The following ACTR10 variants were observed in gnomAD, a reference collection of about 807,000 sequenced individuals.
ACTR10 encodes the protein actin related protein 10.
ACTR10 carries 43 observed loss-of-function variants against 56.2 expected under a neutral mutation model. That is an observed-to-expected ratio of 0.77 (90% CI 0.60 to 0.99). The LOEUF (loss-of-function observed/expected upper bound fraction) is 0.99, where lower values mean the gene tolerates loss of function less well. Among genes scored for constraint, ACTR10 ranks in the 50% least tolerant of loss-of-function variants. The probability of loss-of-function intolerance (pLI) is 0.00; values close to 1 mark genes in which losing one functional copy is unlikely to be tolerated. For missense variants in ACTR10, 466 were observed against 507.8 expected (o/e 0.92, Z 0.79); for synonymous variants, 170 against 176.3 (o/e 0.96, Z 0.28).
intron 6 of ACTR10, among the ~76,000 whole-genome samples, chr14:58,214,603 A>G (rs61975946): frequency 0.75 from 113,155 of 150,666 alleles, 43,331 homozygotes; most frequent in Middle Eastern, 0.89. Flanking sequence ...CGATTCTCCT[A>G]CCTCAGCCTC....
chr14:58,205,259 T>C (rs1033941668), intron 2 of ACTR10, among the ~76,000 whole-genome samples: 3 of 150,338 alleles, frequency 2.0e-5, no homozygotes, highest in African/African-American at 7.3e-5. Flanking sequence ...AAACATGTTA[T>C]AGCAGAATAG....
intron 8 of ACTR10, among the ~76,000 whole-genome samples, chr14:58,223,032 A>G (rs1889314003): frequency 6.6e-6 from 1 of 152,236 alleles, no homozygotes; most frequent in East Asian, 1.9e-4. Context: ...AGTTTCCTCA[A>G]AGGTGATTTT....
intron 7 of ACTR10, among the ~76,000 whole-genome samples, chr14:58,216,076 C>A (rs1889127235): frequency 6.6e-6 from 1 of 150,850 alleles, no homozygotes; most frequent in Non-Finnish European, 1.5e-5. Context: ...GAAGTCTACT[C>A]TGGATGGATT....
chr14:58,221,714 G>T (rs553491021), intron 8 of ACTR10, among the ~76,000 whole-genome samples: 1 of 152,104 alleles, frequency 6.6e-6, no homozygotes, highest in African/African-American at 2.4e-5. Flanking sequence ...GGACTCCAGC[G>T]TGGATGACAG....
chr14:58,210,679 CTTTTTTTTT>C (rs200887449), intron 4 of ACTR10, among the ~76,000 whole-genome samples: 4 of 139,940 alleles, frequency 2.9e-5, no homozygotes, highest in Non-Finnish European at 6.1e-5. Flanking sequence ...TTCTTTTTTT[CTTTTTTTTT>C]TTTTGAGACA....
chr14:58,217,203 A>C (rs1337136422), intron 7 of ACTR10, among the ~76,000 whole-genome samples: 2 of 152,234 alleles, frequency 1.3e-5, no homozygotes, highest in Non-Finnish European at 2.9e-5. Context: ...ATATTTCCAT[A>C]AAATTATAAA....
rs745808652 is a variant in ACTR10, at chr14:58,208,034, T to C, written c.233+16T>C. ...TATATTTCAGGTAAGATACATTTTGTTTTCTAGCTTTTATGATTAGATAGA... is the reference window on the plus strand; with the variant it reads ...TATATTTCAGGTAAGATACATTTTGCTTTCTAGCTTTTATGATTAGATAGA... On this transcript the variant is annotated intron_variant, in intron 3 of 12. Coordinates refer to ENST00000254286, the MANE Select transcript of ACTR10 (RefSeq NM_018477.3). The C allele has an allele frequency of 1.3e-6, 2 of 1,499,386 alleles. No homozygotes were observed. Among genetic ancestry groups the C allele is most frequent in the South Asian group, 2.7e-5 (2 of 74,698 alleles). The allele number at this position is 1,499,386 out of a possible 1,614,324, so 92.9% of individuals were successfully genotyped here.
At chr14:58,204,217 TAAA>T (rs35924178) in intron 2 of ACTR10, among the ~76,000 whole-genome samples, 1 of 132,268 alleles carries the variant, frequency 7.6e-6, no homozygotes, top group Non-Finnish European at 1.6e-5. Context: ...CCATCTCTAC[TAAA>T]AAAAAAAAAA....
chr14:58,220,959 T>TA (rs1222423812), intron 8 of ACTR10, among the ~76,000 whole-genome samples: 5 of 152,236 alleles, frequency 3.3e-5, no homozygotes, highest in African/African-American at 1.2e-4. Flanking sequence ...TTGTTGAAGG[T>TA]ATGTTCAGTA....
chr14:58,212,401 A>C (rs1566624803), intron 5 of ACTR10, among the ~76,000 whole-genome samples: 1 of 152,214 alleles, frequency 6.6e-6, no homozygotes, highest in African/African-American at 2.4e-5. Flanking sequence ...ATCTCTTAGA[A>C]TTGTCCTAGT....
At chr14:58,232,398 CTTTTTCTTTTT>C in intron 12 of ACTR10, 131 bp downstream of exon 12, 1 of 204,740 alleles carries the variant, frequency 4.9e-6, no homozygotes, top group Non-Finnish European at 8.5e-6. Flanking sequence ...CTAACACTGA[CTTTTTCTTTTT>C]TTTTTTTTTT....
At position 58,234,340 on chromosome 14, in the gene ACTR10, T is replaced by C. The variant is rs370396226; in HGVS notation, c.1073-30T>C. On this transcript the variant is annotated intron_variant, in intron 12 of 12. Transcript: ENST00000254286. ...AAGTTTTCTGGTAAAAGTTTTCATCTTAGCTATAAAAAATATTTTTGTCAC... is the reference window on the plus strand; with the variant it reads ...AAGTTTTCTGGTAAAAGTTTTCATCCTAGCTATAAAAAATATTTTTGTCAC... 17 of 1,519,396 alleles carry C rather than the reference T, an allele frequency of 1.1e-5. No individual in the cohort carries two copies. The African/African-American group carries it at 2.4e-4, about 21-fold the overall frequency. The allele number at this position is 1,519,396 out of a possible 1,614,324, so 94.1% of individuals were successfully genotyped here. A position where few individuals can be genotyped will look rare whatever the true frequency, so the allele number is the denominator to read the frequency against.
At chr14:58,201,167 T>G (rs967950048) in intron 1 of ACTR10, among the ~76,000 whole-genome samples, 1 of 152,234 alleles carries the variant, frequency 6.6e-6, no homozygotes, top group Non-Finnish European at 1.5e-5. Context: ...AACTATTTAT[T>G]GACTAAGTGG....
At chr14:58,224,404 T>C (rs964531609) in intron 10 of ACTR10, among the ~76,000 whole-genome samples, 14 of 152,066 alleles carry the variant, frequency 9.2e-5, no homozygotes, top group Non-Finnish European at 1.5e-5. Flanking sequence ...GCCACCACCA[T>C]GACTGGCTAA....
Position 58,234,691 on chromosome 14 carries a change from A to G in ACTR10, c.*140A>G, listed in dbSNP as rs1330863232. The G allele has an allele frequency of 2.9e-6, 2 of 697,616 alleles. No individual in the cohort carries two copies. Among genetic ancestry groups the G allele is most frequent in the Non-Finnish European group, 2.1e-6 (1 of 471,228 alleles). The allele number at this position is 697,616 out of a possible 1,614,324, so 43.2% of individuals were successfully genotyped here. A position where few individuals can be genotyped will look rare whatever the true frequency, so the allele number is the denominator to read the frequency against. ...TTCTGTGTTTACTCTTTGCATTAAT[A>G]TATAATTCTTTTGACTTTGTTTCTC... On this transcript the variant is annotated 3_prime_UTR_variant, in exon 13 of 13. Coordinates refer to ENST00000254286, the MANE Select transcript of ACTR10 (RefSeq NM_018477.3).
intron 10 of ACTR10, among the ~76,000 whole-genome samples, chr14:58,229,124 A>G (rs1252528262): frequency 1.3e-5 from 2 of 152,136 alleles, no homozygotes; most frequent in African/African-American, 2.4e-5. Flanking sequence ...TACAGTCACT[A>G]CAACAATGGA....
intron 4 of ACTR10, among the ~76,000 whole-genome samples, chr14:58,210,815 C>T (rs1387300588): frequency 9.9e-5 from 15 of 151,986 alleles, no homozygotes; most frequent in Admixed American, 9.2e-4. Context: ...GCTGAGATTA[C>T]AGGCAGATGC....
intron 2 of ACTR10, among the ~76,000 whole-genome samples, chr14:58,206,864 G>A (rs1488866956): frequency 6.6e-6 from 1 of 152,138 alleles, no homozygotes; most frequent in Non-Finnish European, 1.5e-5. Flanking sequence ...TAGTTCTTGT[G>A]CATAGAGCTT....
chr14:58,231,084 G>A, intron 11 of ACTR10: 2 of 335,078 alleles, frequency 6.0e-6, no homozygotes, highest in South Asian at 2.1e-5. Flanking sequence ...TGACAGTGTT[G>A]CTCTTGTTGC....
Sources: allele counts gnomAD v4.1 joint callset (sites outside exome capture counted in the v4.1 genomes callset), GRCh38; gene constraint gnomAD v4.1.1; transcripts MANE v1.5; gene names NCBI Gene and HGNC (gene_info 2026-07-23, HGNC 2026-07-21).